The following ANKS1A variants were observed in gnomAD, a reference collection of about 807,000 sequenced individuals.
ANKS1A encodes ankyrin repeat and sterile alpha motif domain containing 1A, also known as ankyrin repeat and SAM domain-containing protein 1A.
In ANKS1A, 55 loss-of-function variants were observed where a neutral mutation model predicts 120.3. The observed-to-expected ratio is 0.46, with a 90% CI of 0.37 to 0.57. The LOEUF (loss-of-function observed/expected upper bound fraction) is 0.57. ANKS1A is among the 20% of genes least tolerant of loss of function. The pLI is 0.00. For synonymous variants in ANKS1A, 590 were observed against 604.7 expected, an observed-to-expected ratio of 0.98 and a Z score of 0.36; for missense variants, 1,123 against 1,480.3, an observed-to-expected ratio of 0.76 and a Z score of 3.96.
intron 1 of ANKS1A, among the ~76,000 whole-genome samples, chr6:34,891,435 A>G (rs914963994): frequency 6.6e-6 from 1 of 152,220 alleles, no homozygotes; most frequent in African/African-American, 2.4e-5. Flanking sequence ...TGGGTTTTGA[A>G]TCTTACCTGG....
At position 35,084,047 on chromosome 6, in the gene ANKS1A, G is replaced by C; in HGVS notation, c.2995-74G>C. 9 of 1,585,312 alleles carry C rather than the reference G, an allele frequency of 5.7e-6. No individual in the cohort carries two copies. Among genetic ancestry groups the C allele is most frequent in the South Asian group, 1.2e-5 (1 of 86,754 alleles). On this transcript the variant is annotated intron_variant, in intron 20 of 23. Transcript: ENST00000360359. The surrounding 1 kb of genome is among the most constrained non-coding windows in gnomAD (Gnocchi z 4.8). ...GCTGGGACAGAGAACAGTGACAATGGTAACAGGCTGGGGCAGGGGGTGCCA... is the reference window on the plus strand; with the variant it reads ...GCTGGGACAGAGAACAGTGACAATGCTAACAGGCTGGGGCAGGGGGTGCCA...
chr6:35,012,786 G>A (rs911612304), intron 10 of ANKS1A, among the ~76,000 whole-genome samples: 3 of 152,174 alleles, frequency 2.0e-5, no homozygotes, highest in Admixed American at 6.5e-5. Context: ...TTAGCATGCT[G>A]GTGTGCCATA....
intron 3 of ANKS1A, among the ~76,000 whole-genome samples, chr6:34,980,502 C>G (rs1221605223): frequency 6.6e-6 from 1 of 152,174 alleles, no homozygotes. Flanking sequence ...TTGGGTAATT[C>G]CTAATCCATT....
At chr6:34,895,695 G>A (rs1767033474) in intron 1 of ANKS1A, among the ~76,000 whole-genome samples, 2 of 150,814 alleles carry the variant, frequency 1.3e-5, no homozygotes, top group African/African-American at 4.9e-5. Flanking sequence ...AAGATAAAAT[G>A]CAACTATCCA....
chr6:34,993,612 A>G (rs773509955), intron 9 of ANKS1A, among the ~76,000 whole-genome samples: 4 of 152,368 alleles, frequency 2.6e-5, no homozygotes, highest in South Asian at 2.1e-4. Context: ...ATCCTTCCCA[A>G]TAACCCTCAG....
At position 35,086,347 on chromosome 6, in the gene ANKS1A, A is replaced by G. The variant is rs997755886; in HGVS notation, c.3303+411A>G. On this transcript the variant is annotated intron_variant, in intron 22 of 23. Transcript: ENST00000360359. This position sits in a 1 kb window ranked among gnomAD's most constrained non-coding sequence, Gnocchi z 5.1. ...ACCGTCCTTCCTACCTACCGCTGCC[A>G]TCTGTTAGTCCTGGAGTCAAGGTCT... 31 of 1,298,020 alleles carry G rather than the reference A, an allele frequency of 2.4e-5. No homozygotes were observed. The highest frequency in any genetic ancestry group is 5.4e-5 in the East Asian group (1 of 18,414). The allele number at this position is 1,298,020 out of a possible 1,614,324, so 80.4% of individuals were successfully genotyped here.
chr6:34,952,055 C>T (rs1348851416), intron 1 of ANKS1A, among the ~76,000 whole-genome samples: 1 of 152,186 alleles, frequency 6.6e-6, no homozygotes, highest in Non-Finnish European at 1.5e-5. Context: ...AAAGCCATTT[C>T]TCAGGAAGCT....
chr6:34,908,260 A>G (rs930262135), intron 1 of ANKS1A, among the ~76,000 whole-genome samples: 1 of 152,212 alleles, frequency 6.6e-6, no homozygotes, highest in African/African-American at 2.4e-5. Flanking sequence ...CAAGAAAGCC[A>G]AAGATTCAGA....
In ANKS1A at chr6:34,889,667, C is replaced by T; in HGVS notation, c.197+68C>T. The T allele has an allele frequency of 8.1e-7, 1 of 1,230,082 alleles. No individual in the cohort carries two copies. The highest frequency in any genetic ancestry group is 1.6e-5 in the African/African-American group (1 of 64,090). The allele number at this position is 1,230,082 out of a possible 1,614,324, so 76.2% of individuals were successfully genotyped here. A position where few individuals can be genotyped will look rare whatever the true frequency, so the allele number is the denominator to read the frequency against. On this transcript the variant is annotated intron_variant, in intron 1 of 23. Coordinates refer to ENST00000360359, the MANE Select transcript of ANKS1A (RefSeq NM_015245.3). This position sits in a 1 kb window ranked among gnomAD's most constrained non-coding sequence, Gnocchi z 5.5. ...CTCCCCCACCCGTCTCTTGGGTCCC[C>T]AGAGAGATCGGGGGTCCTGAGACTC...
At position 34,985,097 on chromosome 6, in the gene ANKS1A, C is replaced by T. The variant is rs1435245144; in HGVS notation, c.1028C>T (p.Ala343Val). The change falls in exon 8 of 24, where the codon GCA (alanine) becomes GTA (valine). Residue 343 changes from alanine to valine, a missense_variant. Ala to Val is a moderately conservative substitution (Grantham distance 64). Coordinates refer to ENST00000360359, the MANE Select transcript of ANKS1A (RefSeq NM_015245.3). ...CTCCTCTCAGGTGACGTGGAGAAAG[C>T]AGTGACTGAACTGATTATAGATTTT... ...SQKSQGDVEK[A>V]VTELIIDFDA... 1.2e-6 allele frequency: 2 copies of T among 1,613,622 alleles called. No individual in the cohort carries two copies. Among genetic ancestry groups the T allele is most frequent in the Admixed American group, 1.7e-5 (1 of 60,016 alleles).
At chr6:35,008,057 A>G (rs1773552530) in intron 10 of ANKS1A, among the ~76,000 whole-genome samples, 1 of 152,210 alleles carries the variant, frequency 6.6e-6, no homozygotes, top group African/African-American at 2.4e-5. Context: ...AAGAGAAAAT[A>G]GGTACCTGTG....
intron 1 of ANKS1A, among the ~76,000 whole-genome samples, chr6:34,916,117 C>T (rs1997776): frequency 0.099 from 14,930 of 151,514 alleles, 1,621 homozygotes; most frequent in African/African-American, 0.27. Flanking sequence ...CTCAGCCTCC[C>T]GAGTAGCTGA....
In ANKS1A at chr6:34,892,340, T is replaced by G. The variant is rs184074210; in HGVS notation, c.197+2741T>G. On this transcript the variant is annotated intron_variant, in intron 1 of 23. Transcript: ENST00000360359. The stretch of plus-strand genomic sequence containing the variant: ...CCTCCCTTTTTAGATGTGGACATAG[T>G]GAAGGGTAGGTTACCTCTGCTCCCA... Among the ~76,000 whole-genome samples, 307 of 152,300 alleles carry G rather than the reference T, an allele frequency of 2.0e-3. 1 individual carries two copies. The highest frequency in any genetic ancestry group is 7.0e-3 in the African/African-American group (291 of 41,562).
chr6:35,038,675 A>T (rs368083658), intron 11 of ANKS1A, among the ~76,000 whole-genome samples: 1 of 151,970 alleles, frequency 6.6e-6, no homozygotes, highest in Admixed American at 6.6e-5. Flanking sequence ...TTGTAGAGAC[A>T]GGGTCTCGCT....
chr6:34,961,943 G>T (rs1453783141), intron 1 of ANKS1A, among the ~76,000 whole-genome samples: 1 of 152,184 alleles, frequency 6.6e-6, no homozygotes, highest in Non-Finnish European at 1.5e-5. Flanking sequence ...GAGAGTTTTT[G>T]ATCTGCCGCT....
intron 1 of ANKS1A, among the ~76,000 whole-genome samples, chr6:34,954,073 T>C (rs1770222672): frequency 6.6e-6 from 1 of 152,224 alleles, no homozygotes; most frequent in Non-Finnish European, 1.5e-5. Flanking sequence ...TTAATCCTCA[T>C]GAATACATCC....
At chr6:35,080,916 C>T (rs112768227) in intron 16 of ANKS1A, 78 bp from the exon 17 acceptor site, 3 of 1,542,396 alleles carry the variant, frequency 1.9e-6, no homozygotes, top group Non-Finnish European at 2.6e-6. Context: ...GCCGTCCTAA[C>T]CAGTGGGGCT....
intron 1 of ANKS1A, among the ~76,000 whole-genome samples, chr6:34,960,968 C>T (rs1231148347): frequency 6.6e-6 from 1 of 152,190 alleles, no homozygotes; most frequent in Non-Finnish European, 1.5e-5. Context: ...AACCGCAGAG[C>T]CCAAGCTCCT....
At chr6:34,905,177 T>C (rs566790531) in intron 1 of ANKS1A, among the ~76,000 whole-genome samples, 20 of 152,260 alleles carry the variant, frequency 1.3e-4, no homozygotes, top group Non-Finnish European at 2.4e-4. Flanking sequence ...TGAATCTGGC[T>C]GGCATTAGGT....
Sources: allele counts gnomAD v4.1 joint callset (sites outside exome capture counted in the v4.1 genomes callset), GRCh38; gene constraint gnomAD v4.1.1; non-coding constraint Gnocchi (gnomAD v3.1); transcripts MANE v1.5; gene names NCBI Gene and HGNC (gene_info 2026-07-23, HGNC 2026-07-21).